Variants in AP2A2 observed in about 807,000 individuals in gnomAD.
The protein encoded by AP2A2 is adaptor related protein complex 2 subunit alpha 2.
A neutral mutation model predicts 104.2 loss-of-function variants in AP2A2; 32 were observed. That is an observed-to-expected ratio of 0.31 (90% CI 0.23 to 0.41). AP2A2 has a LOEUF of 0.41. AP2A2 is among the 10% of genes least tolerant of loss of function. The probability of loss-of-function intolerance (pLI) is 1.00; values close to 1 mark genes in which losing one functional copy is unlikely to be tolerated. For synonymous variants in AP2A2, 539 were observed against 533.3 expected (o/e 1.01, Z -0.15); for missense variants, 912 against 1,261.0 (o/e 0.72, Z 4.19).
intron 5 of AP2A2, among the ~76,000 whole-genome samples, chr11:978,350 G>C (rs1346498899): frequency 6.6e-6 from 1 of 152,180 alleles, no homozygotes; most frequent in African/African-American, 2.4e-5. Flanking sequence ...AGTTTCCATG[G>C]CCATGCAGCC....
intron 1 of AP2A2, among the ~76,000 whole-genome samples, chr11:950,193 C>T (rs1381915176): frequency 1.3e-5 from 2 of 152,042 alleles, no homozygotes; most frequent in African/African-American, 4.8e-5. Flanking sequence ...TAAATGGACT[C>T]CTACCTTACA....
Position 1,010,917 on chromosome 11 carries a change from T to C in AP2A2, c.*292T>C, listed in dbSNP as rs74455562. On this transcript the variant is annotated 3_prime_UTR_variant, in exon 22 of 22. Coordinates refer to ENST00000448903, the MANE Select transcript of AP2A2 (RefSeq NM_012305.4). Reference sequence around the variant, plus strand: ...TTAAATCTACAAATTAAAGGGAAATTAGAAGTTGGCGTGAACGTGGCGTTT... The same window carrying C: ...TTAAATCTACAAATTAAAGGGAAATCAGAAGTTGGCGTGAACGTGGCGTTT... The C allele has an allele frequency of 0.011, 7,800 of 690,212 alleles. 406 individuals carry two copies. The African/African-American group carries it at 0.11, about 10-fold the overall frequency. 42.8% of individuals were successfully genotyped at this position (690,212 alleles called of 1,614,324 possible).
Position 953,831 on chromosome 11 carries a change from TTC to T in AP2A2, c.68-5600_68-5599del, listed in dbSNP as rs1253475543. On this transcript the variant is annotated intron_variant, in intron 1 of 21. Transcript: ENST00000448903. ...ACGTGACACTACTCTTCTCTCTACC[TTC>T]TCTCTTTTTTTTTTTTTTTGAGATG... is the stretch of plus-strand genomic sequence containing the variant. Among the ~76,000 whole-genome samples the T allele has an allele frequency of 2.7e-5, 4 of 150,258 alleles. No individual in the cohort carries two copies. The South Asian group carries it at 6.3e-4, about 24-fold the overall frequency.
At chr11:933,036 G>A (rs1031770347) in intron 1 of AP2A2, among the ~76,000 whole-genome samples, 11 of 152,200 alleles carry the variant, frequency 7.2e-5, no homozygotes, top group Non-Finnish European at 5.9e-5. Context: ...TCGGGAGTCC[G>A]AGCCAGGTGG....
chr11:951,583 G>A (rs1041886416), intron 1 of AP2A2, among the ~76,000 whole-genome samples: 1 of 151,586 alleles, frequency 6.6e-6, no homozygotes, highest in Non-Finnish European at 1.5e-5. Context: ...GTAGCTTCTC[G>A]TGGCTGGACC....
chr11:987,787 A>C (rs1456920366), intron 9 of AP2A2, among the ~76,000 whole-genome samples: 1 of 152,234 alleles, frequency 6.6e-6, no homozygotes, highest in Non-Finnish European at 1.5e-5. Context: ...CCAAGTCCCT[A>C]GTCACCGGTG....
intron 15 of AP2A2, 174 bp from the exon 16 acceptor site, chr11:1,003,548 C>G: frequency 3.9e-6 from 2 of 510,140 alleles, no homozygotes; most frequent in Non-Finnish European, 6.9e-6. Flanking sequence ...TCACCGTCCT[C>G]CTCCAGTGGC....
intron 21 of AP2A2, 30 bp downstream of exon 21, chr11:1,009,847 CTT>C: frequency 6.6e-7 from 1 of 1,525,394 alleles, no homozygotes; most frequent in Non-Finnish European, 8.9e-7. Flanking sequence ...GTGGAACACA[CTT>C]GAGTTGCTTT....
At chr11:974,643 A>G (rs1249385174) in intron 4 of AP2A2, among the ~76,000 whole-genome samples, 1 of 143,170 alleles carries the variant, frequency 7.0e-6, no homozygotes, top group African/African-American at 2.6e-5. Flanking sequence ...AGATTGCACC[A>G]CTACACACCA....
intron 1 of AP2A2, among the ~76,000 whole-genome samples, chr11:950,827 CCATACCTGTAATCCCAG>C (rs1299493609): frequency 6.6e-6 from 1 of 152,048 alleles, no homozygotes; most frequent in East Asian, 1.9e-4. Context: ...GGTGTGGTGG[CCATACCTGTAATCCCAG>C]CATTTTGGGA....
rs902346287 is a variant in AP2A2 at position 1,009,146 on chromosome 11, C to G, written c.2467C>G (p.Leu823Val). 69 of 1,613,530 alleles carry G rather than the reference C, an allele frequency of 4.3e-5. No homozygotes were observed. Among genetic ancestry groups the G allele is most frequent in the Admixed American group, 8.3e-5 (5 of 60,006 alleles). Reference protein sequence around the residue: ...QNVSVQLPITLNKFFQPTEMA... With the variant: ...QNVSVQLPITVNKFFQPTEMA... ...CGTGTCTGTGCAGCTGCCCATCACT[C>G]TCAACAAATTCTTCCAGCCGACAGA... Residue 823 changes from leucine to valine, a missense_variant, in exon 19 of 22, where the codon CTC (leucine) becomes GTC (valine). Coordinates refer to ENST00000448903, the MANE Select transcript of AP2A2 (RefSeq NM_012305.4).
chr11:994,393 G>A (rs1248259768), intron 14 of AP2A2, 148 bp downstream of exon 14: 1 of 1,028,834 alleles, frequency 9.7e-7, no homozygotes, highest in Non-Finnish European at 1.4e-6. Context: ...GTCCTGTCCT[G>A]GGGGCCACTG....
chr11:978,819 GT>G (rs1162312428), intron 5 of AP2A2, among the ~76,000 whole-genome samples: 1 of 152,208 alleles, frequency 6.6e-6, no homozygotes, highest in Non-Finnish European at 1.5e-5. Context: ...GTCTTGTGGA[GT>G]GGGACAGGAA....
At chr11:945,245 A>C (rs993336544) in intron 1 of AP2A2, among the ~76,000 whole-genome samples, 30 of 152,190 alleles carry the variant, frequency 2.0e-4, no homozygotes, top group Non-Finnish European at 4.1e-4. Context: ...GCTGGAGACC[A>C]AGGTGGGAGA....
At chr11:954,051 T>A (rs955154987) in intron 1 of AP2A2, among the ~76,000 whole-genome samples, 16 of 152,128 alleles carry the variant, frequency 1.1e-4, no homozygotes, top group Non-Finnish European at 1.9e-4. Flanking sequence ...GCCAGGCTGG[T>A]CTTGAACTCC....
rs184928036 is a variant in AP2A2 at position 983,602 on chromosome 11, C to G, written c.706-1043C>G. On this transcript the variant is annotated intron_variant, in intron 6 of 21. Coordinates refer to ENST00000448903, the MANE Select transcript of AP2A2 (RefSeq NM_012305.4). The stretch of plus-strand genomic sequence containing the variant: ...GTTTCACTGTGTTAGCCAGGATGGT[C>G]TCGATCTCCTGACCTTGTGATCCGC... Among the ~76,000 whole-genome samples the G allele has an allele frequency of 1.0e-3, 158 of 152,006 alleles. 3 individuals are homozygous for G. In the East Asian group the frequency reaches 0.028, roughly 27 times the overall value.
In AP2A2 at chr11:977,088, C is replaced by T. The variant is rs373069772; in HGVS notation, c.474-7C>T. ...GTTGCGAGTGACTCTTGACGTCTGTCTTTCAGAGACACTATGGACAGCGTG... is the reference window on the plus strand; with the variant it reads ...GTTGCGAGTGACTCTTGACGTCTGTTTTTCAGAGACACTATGGACAGCGTG... On this transcript the variant is annotated splice_region_variant and splice_polypyrimidine_tract_variant and intron_variant, in intron 4 of 21. Coordinates refer to ENST00000448903, the MANE Select transcript of AP2A2 (RefSeq NM_012305.4). 2 of 1,613,456 alleles carry T rather than the reference C, an allele frequency of 1.2e-6. No individual in the cohort carries two copies. The highest frequency in any genetic ancestry group is 2.7e-5 in the African/African-American group (2 of 74,914).
chr11:1,009,233 C>T lies in AP2A2; in HGVS notation c.2537+17C>T. 1.2e-6 allele frequency: 2 copies of T among 1,611,948 alleles called. No homozygotes were observed. The highest frequency in any genetic ancestry group is 2.2e-5 in the South Asian group (2 of 91,022). On this transcript the variant is annotated intron_variant, in intron 19 of 21. Transcript: ENST00000448903. The stretch of plus-strand genomic sequence containing the variant: ...GTTGAGCAAGTGAGAAACCTGTTTC[C>T]TGTAGGGGTCAGGGGTGGGGACGGG...
At chr11:973,937 C>T (rs1011297882) in intron 4 of AP2A2, among the ~76,000 whole-genome samples, 3 of 152,182 alleles carry the variant, frequency 2.0e-5, no homozygotes, top group Admixed American at 6.5e-5. Flanking sequence ...GATGTCTGCG[C>T]GTGAGCGGAA....
Sources: allele counts gnomAD v4.1 joint callset (sites outside exome capture counted in the v4.1 genomes callset), GRCh38; gene constraint gnomAD v4.1.1; transcripts MANE v1.5; gene names NCBI Gene and HGNC (gene_info 2026-07-23, HGNC 2026-07-21).